The following PSD2 variants were observed in gnomAD, a reference collection of about 807,000 sequenced individuals.
PSD2 encodes the protein pleckstrin and Sec7 domain containing 2.
In PSD2, 38 loss-of-function variants were observed where a neutral mutation model predicts 69.8. The observed-to-expected ratio is 0.54, with a 90% CI of 0.42 to 0.71. The LOEUF (loss-of-function observed/expected upper bound fraction) is 0.71, where lower values mean the gene tolerates loss of function less well. PSD2 is among the 30% of genes least tolerant of loss of function. The probability of loss-of-function intolerance (pLI) is 0.00; values close to 1 mark genes in which losing one functional copy is unlikely to be tolerated. For missense variants in PSD2, 943 were observed against 1,014.5 expected, an observed-to-expected ratio of 0.93 and a Z score of 0.96; for synonymous variants, 412 against 423.0, an observed-to-expected ratio of 0.97 and a Z score of 0.32.
rs147210348 is a variant in PSD2, at chr5:139,829,697, T to G, written c.1270-4005T>G. 2.4e-3 allele frequency among the ~76,000 whole-genome samples: 361 copies of G among 152,390 alleles called. 1 individual carries two copies. The highest frequency in any genetic ancestry group is 8.2e-3 in the African/African-American group (341 of 41,602). ...TTTTTATGGCTGAATAATATTCCAT[T>G]GTATGGATATGCCACATTTTATTTA... On this transcript the variant is annotated intron_variant, in intron 7 of 14. Coordinates refer to ENST00000274710, the MANE Select transcript of PSD2 (RefSeq NM_032289.4).
chr5:139,840,822 G>T (rs913141018), intron 14 of PSD2, among the ~76,000 whole-genome samples: 1 of 152,116 alleles, frequency 6.6e-6, no homozygotes, highest in Non-Finnish European at 1.5e-5. Context: ...AAAGTGCTGG[G>T]ATTACAGGTG....
the PSD2 span, among the ~76,000 whole-genome samples, chr5:139,759,808 A>T: frequency 6.6e-6 from 1 of 152,212 alleles, no homozygotes; most frequent in Non-Finnish European, 1.5e-5. Context: ...TGGGGAGAGG[A>T]TGGCCGCCTG....
chr5:139,833,570 A>G, intron 7 of PSD2, 132 bp from the exon 8 acceptor site: 1 of 701,438 alleles, frequency 1.4e-6, no homozygotes, highest in South Asian at 1.5e-5. Context: ...GAGACAAAAG[A>G]AAATTCACGC....
chr5:139,748,955 C>A, the PSD2 span, among the ~76,000 whole-genome samples: 1 of 152,058 alleles, frequency 6.6e-6, no homozygotes, highest in African/African-American at 2.4e-5. Flanking sequence ...CCCTGCGGAT[C>A]CTCGGGACTT....
rs373328485 is a variant in PSD2 at position 139,838,601 on chromosome 5, G to A, written c.1824-27G>A. ...GACAGGGAGTCCTGTGTGAGAGGCC[G>A]GCACCCTCTCCCCCTCCTGTCCCCA... On this transcript the variant is annotated intron_variant, in intron 12 of 14. Transcript: ENST00000274710. The A allele has an allele frequency of 1.1e-5, 17 of 1,603,634 alleles. No homozygotes were observed. In the Admixed American group the frequency reaches 1.2e-4, roughly 11 times the overall value.
chr5:139,772,174 C>T, the PSD2 span, among the ~76,000 whole-genome samples: 1 of 152,098 alleles, frequency 6.6e-6, no homozygotes, highest in Non-Finnish European at 1.5e-5. Context: ...GAGGAAAAAG[C>T]GTCCCCAGAC....
rs550211038 is a variant in PSD2 at position 139,812,400 on chromosome 5, A to T, written c.372-909A>T. Among the ~76,000 whole-genome samples the T allele has an allele frequency of 2.0e-5, 3 of 152,282 alleles. No homozygotes were observed. The East Asian group carries it at 5.8e-4, about 29-fold the overall frequency. On this transcript the variant is annotated intron_variant, in intron 2 of 14. Transcript: ENST00000274710. ...AAAGGCCTCTTTTGGGGGACAGCAC[A>T]GGGTCCTGCAAGGGCTTGGGAAGCG...
intron 1 of PSD2, among the ~76,000 whole-genome samples, 196 bp downstream of exon 1, chr5:139,796,171 A>G (rs1264396763): frequency 6.6e-6 from 1 of 152,100 alleles, no homozygotes; most frequent in East Asian, 1.9e-4. Context: ...TACGGTTGTC[A>G]TGGAGATGGG....
At position 139,817,551 on chromosome 5, in the gene PSD2, G is replaced by A. The variant is rs35714177; in HGVS notation, c.1087G>A (p.Gly363Arg). The A allele has an allele frequency of 2.8e-5, 45 of 1,613,718 alleles. 1 individual carries two copies. The East Asian group carries it at 3.8e-4, about 14-fold the overall frequency. ...CGACTTCTCGGGCTTGACTCTGGACGGAGCACTCAGGTCAGTGGGGCTGGG... is the reference window on the plus strand; with the variant it reads ...CGACTTCTCGGGCTTGACTCTGGACAGAGCACTCAGGTCAGTGGGGCTGGG... ...FFDFSGLTLD[G>R]ALRTFLKAFP... The change falls in exon 5 of 15, where the codon GGA becomes AGA. Residue 363 changes from glycine (G) to arginine (R), a missense_variant. Gly to Arg is a moderately radical substitution (Grantham distance 125). Around this residue, in one of 3 missense-constraint regions of PSD2, gnomAD observed 312 missense variants for 400.7 expected, o/e 0.78. Transcript: ENST00000274710.
chr5:139,827,038 C>A (rs1178977151), intron 7 of PSD2, among the ~76,000 whole-genome samples: 1 of 152,196 alleles, frequency 6.6e-6, no homozygotes, highest in Non-Finnish European at 1.5e-5. Context: ...CTCTTTGGCC[C>A]AGAGAATACC....
At chr5:139,747,727 G>A in the PSD2 span, among the ~76,000 whole-genome samples, 1 of 152,250 alleles carries the variant, frequency 6.6e-6, no homozygotes, top group Non-Finnish European at 1.5e-5. This position sits in a 1 kb window ranked among gnomAD's most constrained non-coding sequence, Gnocchi z 6.7. Flanking sequence ...CGCCGCCAAA[G>A]TTTCACAGCC....
the PSD2 span, among the ~76,000 whole-genome samples, chr5:139,771,539 C>T: frequency 2.0e-5 from 3 of 152,064 alleles, no homozygotes; most frequent in African/African-American, 7.2e-5. Flanking sequence ...CCACCACGCC[C>T]GGCTAATTTT....
chr5:139,793,247 C>T (rs114366085), upstream of PSD2, among the ~76,000 whole-genome samples: 724 of 152,264 alleles, frequency 4.8e-3, 5 homozygotes, highest in African/African-American at 0.016. Flanking sequence ...CCCAGCCTGA[C>T]CCTGCTGTCT....
At chr5:139,789,554 G>T in the PSD2 span, among the ~76,000 whole-genome samples, 10 of 152,224 alleles carry the variant, frequency 6.6e-5, no homozygotes, top group Non-Finnish European at 1.3e-4. Context: ...TTCCAGCCTG[G>T]GTATTCCTGT....
intron 14 of PSD2, among the ~76,000 whole-genome samples, chr5:139,841,393 C>T (rs1380211516): frequency 2.6e-5 from 4 of 152,178 alleles, no homozygotes; most frequent in Non-Finnish European, 5.9e-5. Context: ...GTACACACCA[C>T]ATTTTGTTTA....
chr5:139,822,768 C>T lies in PSD2; in HGVS notation c.1253C>T (p.Thr418Met), dbSNP rs753531914. Residue 418 changes from threonine to methionine, a missense_variant, in exon 7 of 15, where the codon ACG (threonine) becomes ATG (methionine). This residue lies in a region of PSD2 where 312 missense variants were observed against 400.7 expected (regional missense o/e 0.78). Coordinates refer to ENST00000274710, the MANE Select transcript of PSD2 (RefSeq NM_032289.4). ...TLTCALMLLNTDLHGHNIGKK... is the reference protein window; with the variant it reads ...TLTCALMLLNMDLHGHNIGKK... ...ACCTGTGCCCTGATGCTGCTCAACACGGACCTGCACGGCCACGTGAGTTGG... is the reference window on the plus strand; with the variant it reads ...ACCTGTGCCCTGATGCTGCTCAACATGGACCTGCACGGCCACGTGAGTTGG... 1.6e-5 allele frequency: 25 copies of T among 1,609,396 alleles called. No individual in the cohort carries two copies. Among genetic ancestry groups the T allele is most frequent in the South Asian group, 5.5e-5 (5 of 90,230 alleles).
rs777275983 is a variant in PSD2 at position 139,814,264 on chromosome 5, G to A, written c.916G>A (p.Gly306Arg). The change falls in exon 4 of 15, where the codon GGG (glycine) becomes AGG (arginine). Residue 306 changes from glycine (G) to arginine (R), a missense_variant. Around this residue, in one of 3 missense-constraint regions of PSD2, gnomAD observed 466 missense variants for 445.0 expected, o/e 1.05. Transcript: ENST00000274710. The surrounding 1 kb of genome is among the most constrained non-coding windows in gnomAD (Gnocchi z 4.4). Reference protein sequence around the residue: ...EPGSADPLANGCQGVSEAAHR... With the variant: ...EPGSADPLANRCQGVSEAAHR... ...TGGTAGTGCAGACCCTCTGGCCAAC[G>A]GGTGCCAGGGGGTCAGTGAAGCTGC... 91 of 1,613,612 alleles carry A rather than the reference G, an allele frequency of 5.6e-5. 1 individual carries two copies. Among genetic ancestry groups the A allele is most frequent in the South Asian group, 2.6e-4 (24 of 91,016 alleles).
intron 7 of PSD2, among the ~76,000 whole-genome samples, chr5:139,822,999 G>T (rs1158356869): frequency 6.6e-6 from 1 of 152,176 alleles, no homozygotes; most frequent in Non-Finnish European, 1.5e-5. Context: ...AGTGAGAGCA[G>T]CTGGGCCACG....
intron 9 of PSD2, 71 bp from the exon 10 acceptor site, chr5:139,836,740 T>TG (rs1760728584): frequency 7.1e-7 from 1 of 1,399,098 alleles, no homozygotes; most frequent in Non-Finnish European, 1.0e-6. Flanking sequence ...AGGAGGCTGG[T>TG]GGGGAAAGGC....
Sources: gnomAD v4.1 joint callset for allele counts (sites outside exome capture counted in the v4.1 genomes callset) on GRCh38, gnomAD v4.1.1 for gene constraint, gnomAD v4.1.1 regional missense constraint, Gnocchi (gnomAD v3.1) non-coding constraint, MANE v1.5 for transcripts, NCBI Gene and HGNC (gene_info 2026-07-23, HGNC 2026-07-21) for gene names.